FAT2: variants seen among roughly 807,000 people sequenced by gnomAD.
FAT2 encodes the protein protocadherin Fat 2.
Under a neutral mutation model 295.3 loss-of-function variants are expected in FAT2, and 150 were observed. That is an observed-to-expected ratio of 0.51 (90% CI 0.44 to 0.58). FAT2 has a LOEUF of 0.58. Among genes scored for constraint, FAT2 ranks in the 20% least tolerant of loss-of-function variants. The pLI, the probability that FAT2 is intolerant of heterozygous loss-of-function variation, is 0.00. For synonymous variants in FAT2, 2,026 were observed against 2,150.3 expected, an observed-to-expected ratio of 0.94 and a Z score of 1.60; for missense variants, 4,868 against 5,442.7, an observed-to-expected ratio of 0.89 and a Z score of 3.32.
chr5:151,554,284 C>G (rs550377817), intron 5 of FAT2, 78 bp downstream of exon 5: 4 of 1,364,282 alleles, frequency 2.9e-6, no homozygotes, highest in East Asian at 4.7e-5. Flanking sequence ...TGGGCTGTCT[C>G]CCTCCTCCTG....
rs146141607 is a variant in FAT2, at chr5:151,568,215, C to T, written c.717G>A (p.Leu239=). Residue 239 remains leucine (L), a synonymous_variant, in exon 2 of 24, where the codon CTG becomes CTA. Coordinates refer to ENST00000261800, the MANE Select transcript of FAT2 (RefSeq NM_001447.3). The part of the protein sequence containing the change: ...KISEGNGFGS[L]AALVVHVEPA... ...GCTCCACATGAACCACAAGTGCAGC[C>T]AGGCTGCCAAACCCATTGCCCTCAG... 133 of 1,613,768 alleles carry T rather than the reference C, an allele frequency of 8.2e-5. No homozygotes were observed. The highest frequency in any genetic ancestry group is 5.5e-5 in the South Asian group (5 of 91,036).
intron 11 of FAT2, among the ~76,000 whole-genome samples, chr5:151,539,380 A>G (rs2127600615): frequency 6.6e-6 from 1 of 152,350 alleles, no homozygotes; most frequent in African/African-American, 2.4e-5. Context: ...AAGTTTGTAT[A>G]TATGCAAATG....
In FAT2 at chr5:151,577,560, G is replaced by A. The variant is rs1011720676; in HGVS notation, c.-20-8609C>T. ...GGGGCAAGGGGTAGAGCATGGAGGG[G>A]AGATGCTATTTTTTAAAGGGGAGTC... is the stretch of plus-strand genomic sequence containing the variant. On this transcript the variant is annotated intron_variant, in intron 1 of 23. Transcript: ENST00000261800. 3.9e-5 allele frequency among the ~76,000 whole-genome samples: 6 copies of A among 152,176 alleles called. No individual in the cohort carries two copies. The South Asian group carries it at 1.2e-3, about 32-fold the overall frequency.
Position 151,506,023 on chromosome 5 carries a change from C to A in FAT2, c.12592G>T (p.Val4198Leu). The A allele has an allele frequency of 6.4e-7, 1 of 1,573,388 alleles. No homozygotes were observed. Among genetic ancestry groups the A allele is most frequent in the Non-Finnish European group, 8.6e-7 (1 of 1,163,776 alleles). The change falls in exon 24 of 24, where the codon GTG becomes TTG. Residue 4198 changes from valine (V) to leucine (L), a missense_variant. This residue lies in a region of FAT2 where 492 missense variants were observed against 482.6 expected (regional missense o/e 1.02). Coordinates refer to ENST00000261800, the MANE Select transcript of FAT2 (RefSeq NM_001447.3). ...NERWEYPHSE[V>L]TQGPLPPSAH... Reference sequence around the variant, plus strand: ...GAGGGCGGCAGAGGGCCCTGAGTCACTTCGGAGTGGGGGTATTCCCAGCGT... The same window carrying A: ...GAGGGCGGCAGAGGGCCCTGAGTCAATTCGGAGTGGGGGTATTCCCAGCGT...
At position 151,566,877 on chromosome 5, in the gene FAT2, G is replaced by A. The variant is rs1758295991; in HGVS notation, c.2055C>T (p.His685=). The A allele has an allele frequency of 6.2e-7, 1 of 1,614,166 alleles. No individual in the cohort carries two copies. ...VLTQFTKTIL[H]FIGLQNQESS... The stretch of plus-strand genomic sequence containing the variant: ...ACTCCTGGTTCTGAAGCCCAATAAA[G>A]TGGAGGATAGTCTTTGTGAATTGTG... The change falls in exon 2 of 24, where the codon CAC becomes CAT. Residue 685 remains histidine (H), a synonymous_variant. Coordinates refer to ENST00000261800, the MANE Select transcript of FAT2 (RefSeq NM_001447.3).
chr5:151,557,402 C>T (rs2127636148), intron 3 of FAT2, among the ~76,000 whole-genome samples: 1 of 152,312 alleles, frequency 6.6e-6, no homozygotes, highest in Non-Finnish European at 1.5e-5. Flanking sequence ...GACTATCCCC[C>T]TGGCCCTTGC....
chr5:151,506,622 C>T (rs188499299), intron 23 of FAT2, among the ~76,000 whole-genome samples: 51 of 152,304 alleles, frequency 3.3e-4, no homozygotes, highest in Admixed American at 2.6e-4. Flanking sequence ...TGATGGGCCT[C>T]GGTTTCCGTA....
In FAT2 at chr5:151,525,970, G is replaced by C. The variant is rs778058749; in HGVS notation, c.10309-5C>G. 6.2e-7 allele frequency: 1 copy of C among 1,613,624 alleles called. No individual in the cohort carries two copies. The highest frequency in any genetic ancestry group is 1.1e-5 in the South Asian group (1 of 90,932). ...GCTGCCAATGGGGGAGTTCTCCTGAGACCGAGAGTGACAAAGAAGGCAAAG... is the reference window on the plus strand; with the variant it reads ...GCTGCCAATGGGGGAGTTCTCCTGACACCGAGAGTGACAAAGAAGGCAAAG... On this transcript the variant is annotated splice_region_variant and splice_polypyrimidine_tract_variant and intron_variant, in intron 17 of 23. Transcript: ENST00000261800.
chr5:151,590,170 C>G (rs1486577160), intron 1 of FAT2, among the ~76,000 whole-genome samples: 5 of 152,236 alleles, frequency 3.3e-5, no homozygotes, highest in African/African-American at 7.2e-5. Context: ...CTCTTAGTAG[C>G]AAGGCATGTT....
chr5:151,548,101 G>A (rs554784257), intron 9 of FAT2, among the ~76,000 whole-genome samples: 18 of 152,102 alleles, frequency 1.2e-4, no homozygotes, highest in South Asian at 6.3e-4. Context: ...CTTCTTCAGC[G>A]GTGAATAGAC....
Position 151,568,087 on chromosome 5 carries a change from G to A in FAT2, c.845C>T (p.Ser282Leu), listed in dbSNP as rs1758363200. ...YATVLVDANSSGAEVESVEVV... is the reference protein window; with the variant it reads ...YATVLVDANSLGAEVESVEVV... The stretch of plus-strand genomic sequence containing the variant: ...TTCCACTGACTCCACTTCAGCTCCT[G>A]AGCTATTTGCATCGACCAGTACAGT... Residue 282 changes from serine to leucine, a missense_variant, in exon 2 of 24, where the codon TCA (serine) becomes TTA (leucine). Around this residue, in one of 5 missense-constraint regions of FAT2, gnomAD observed 3,297 missense variants for 3,669.4 expected, o/e 0.90. Transcript: ENST00000261800. 6.2e-7 allele frequency: 1 copy of A among 1,614,056 alleles called. No homozygotes were observed. The highest frequency in any genetic ancestry group is 1.7e-5 in the Admixed American group (1 of 59,994).
chr5:151,592,316 C>T (rs1759445157), upstream of FAT2, among the ~76,000 whole-genome samples: 1 of 152,154 alleles, frequency 6.6e-6, no homozygotes, highest in African/African-American at 2.4e-5. Flanking sequence ...CAGGTGAGGC[C>T]CATGTCTACC....
At chr5:151,580,741 T>A (rs1758921068) in intron 1 of FAT2, among the ~76,000 whole-genome samples, 1 of 152,158 alleles carries the variant, frequency 6.6e-6, no homozygotes, top group South Asian at 2.1e-4. Flanking sequence ...AGGGTGGGTG[T>A]GAAGTGGTCA....
At chr5:151,509,602 A>G (rs1761161277) in intron 22 of FAT2, 1 of 180,444 alleles carries the variant, frequency 5.5e-6, no homozygotes, top group Admixed American at 5.5e-5. Context: ...TAAGGAGCAT[A>G]TATCTAATGC....
intron 18 of FAT2, 66 bp downstream of exon 18, chr5:151,525,702 G>A (rs1204454778): frequency 2.5e-6 from 4 of 1,571,500 alleles, no homozygotes; most frequent in South Asian, 1.1e-5. Flanking sequence ...AGAAGCACTG[G>A]TGGGGCTTTT....
chr5:151,539,310 G>T (rs981678344), intron 11 of FAT2, among the ~76,000 whole-genome samples: 1 of 152,214 alleles, frequency 6.6e-6, no homozygotes. Context: ...GGAGATATAT[G>T]TATTTATGTG....
intron 4 of FAT2, among the ~76,000 whole-genome samples, chr5:151,556,111 A>G (rs1159218819): frequency 6.6e-6 from 1 of 152,202 alleles, no homozygotes; most frequent in East Asian, 1.9e-4. Flanking sequence ...CCCTGCAGGC[A>G]TCACTAATCA....
chr5:151,567,372 CATG>C lies in FAT2; in HGVS notation c.1557_1559del (p.Met520del). 2 of 1,614,128 alleles carry C rather than the reference CATG, an allele frequency of 1.2e-6. No homozygotes were observed. The highest frequency in any genetic ancestry group is 1.3e-5 in the African/African-American group (1 of 75,034). ...AAATTCTTTTCATGAGTTCATAGTC[CATG>C]GGTTTGGAGGTGGAGATGATCCCCA... On this transcript the variant is annotated inframe_deletion, in exon 2 of 24. Coordinates refer to ENST00000261800, the MANE Select transcript of FAT2 (RefSeq NM_001447.3).
rs147508987 is a variant in FAT2 at position 151,549,331 on chromosome 5, C to T, written c.4753G>A (p.Gly1585Arg). The T allele has an allele frequency of 1.2e-6, 2 of 1,613,610 alleles. No homozygotes were observed. The highest frequency in any genetic ancestry group is 1.3e-5 in the African/African-American group (1 of 75,040). The change falls in exon 9 of 24, where the codon GGA becomes AGA. Residue 1585 changes from glycine to arginine, a missense_variant. Coordinates refer to ENST00000261800, the MANE Select transcript of FAT2 (RefSeq NM_001447.3). Reference sequence around the variant, plus strand: ...GAGTAGTGGACCTCAGCATTGACTCCCCGGTCAGCATCCATGGCTCGGACC... The same window carrying T: ...GAGTAGTGGACCTCAGCATTGACTCTCCGGTCAGCATCCATGGCTCGGACC... ...LQVRAMDADR[G>R]VNAEVHYSLL...
Sources: allele counts gnomAD v4.1 joint callset (sites outside exome capture counted in the v4.1 genomes callset), GRCh38; gene constraint gnomAD v4.1.1; regional missense constraint gnomAD v4.1.1; transcripts MANE v1.5; gene names NCBI Gene and HGNC (gene_info 2026-07-23, HGNC 2026-07-21).